Variants in SLC14A2 observed in about 807,000 individuals in gnomAD.
SLC14A2 encodes solute carrier family 14 member 2.
Under a neutral mutation model 104.6 loss-of-function variants are expected in SLC14A2, and 91 were observed. That is an observed-to-expected ratio of 0.87 (90% CI 0.73 to 1.04). SLC14A2 has a LOEUF of 1.04. SLC14A2 is among the 50% of genes least tolerant of loss of function. The probability of loss-of-function intolerance (pLI) is 0.00; values close to 1 mark genes in which losing one functional copy is unlikely to be tolerated. For missense variants in SLC14A2, 1,189 were observed against 1,156.0 expected (o/e 1.03, Z -0.41); for synonymous variants, 476 against 466.4 (o/e 1.02, Z -0.27).
At chr18:45,540,106 G>T (rs553460922) in intron 2 of SLC14A2, among the ~76,000 whole-genome samples, 1 of 151,730 alleles carries the variant, frequency 6.6e-6, no homozygotes, top group Non-Finnish European at 1.5e-5. Flanking sequence ...TGGGCACTTT[G>T]TGCCTGATGA....
intron 3 of SLC14A2, 124 bp from the exon 4 acceptor site, chr18:45,626,834 C>G: frequency 4.4e-6 from 2 of 449,838 alleles, no homozygotes; most frequent in Non-Finnish European, 7.9e-6. Context: ...CGACCCCTGG[C>G]CTGGCTGAAT....
the SLC14A2 span, among the ~76,000 whole-genome samples, chr18:45,194,068 T>C: frequency 9.2e-3 from 1,399 of 152,346 alleles, 31 homozygotes; most frequent in African/African-American, 0.032. Context: ...TTCTGCAAGC[T>C]TGATCAACTC....
At chr18:45,267,285 C>T (rs973715605) in intron 1 of SLC14A2, among the ~76,000 whole-genome samples, 2 of 152,124 alleles carry the variant, frequency 1.3e-5, no homozygotes, top group Non-Finnish European at 2.9e-5. Context: ...CCTGACTTTG[C>T]TCCCCAAGTT....
chr18:45,514,294 G>A (rs8094026), intron 2 of SLC14A2, among the ~76,000 whole-genome samples: 8,279 of 152,174 alleles, frequency 0.054, 291 homozygotes, highest in African/African-American at 0.094. Context: ...CATGACTGAC[G>A]GGAGAGAGAT....
intron 2 of SLC14A2, among the ~76,000 whole-genome samples, chr18:45,489,496 G>A (rs570543737): frequency 9.9e-5 from 15 of 152,268 alleles, no homozygotes; most frequent in Middle Eastern, 3.4e-3. Flanking sequence ...GGTCAACAGA[G>A]CAAGACTCTG....
intron 1 of SLC14A2, among the ~76,000 whole-genome samples, chr18:45,356,200 A>G (rs941855477): frequency 5.9e-5 from 9 of 152,210 alleles, no homozygotes; most frequent in African/African-American, 2.2e-4. Flanking sequence ...CTCCTTGAGC[A>G]TGTTCAATAC....
intron 1 of SLC14A2, among the ~76,000 whole-genome samples, chr18:45,264,052 C>G (rs1288970574): frequency 6.6e-6 from 1 of 152,148 alleles, no homozygotes; most frequent in African/African-American, 2.4e-5. Flanking sequence ...ACTATCTTTT[C>G]TATCTATCCA....
At chr18:45,455,642 T>TAATAATAAC (rs1397733845) in intron 1 of SLC14A2, among the ~76,000 whole-genome samples, 2 of 144,068 alleles carry the variant, frequency 1.4e-5, no homozygotes, top group African/African-American at 2.5e-5. Context: ...TAAAGCATAA[T>TAATAATAAC]AATAATAATA....
chr18:45,605,428 T>C (rs897797311), intron 2 of SLC14A2, among the ~76,000 whole-genome samples: 19 of 152,244 alleles, frequency 1.2e-4, no homozygotes, highest in African/African-American at 4.1e-4. Context: ...AATCAGACTT[T>C]ATGTTCTGCC....
At chr18:45,209,111 C>T (rs1479607455), upstream of SLC14A2, among the ~76,000 whole-genome samples, 6 of 143,762 alleles carry the variant, frequency 4.2e-5, no homozygotes, top group African/African-American at 7.8e-5. Flanking sequence ...CTGAGGCGGG[C>T]GGATCATGAG....
chr18:45,486,097 A>T, intron 2 of SLC14A2, among the ~76,000 whole-genome samples: 1 of 152,168 alleles, frequency 6.6e-6, no homozygotes, highest in Admixed American at 6.5e-5. Flanking sequence ...TACCATCTAG[A>T]TAAGTGTGGA....
At chr18:45,210,800 T>C (rs16978301), upstream of SLC14A2, among the ~76,000 whole-genome samples, 2,298 of 152,288 alleles carry the variant, frequency 0.015, 68 homozygotes, top group African/African-American at 0.051. Context: ...GGTACCAATG[T>C]ATAGGGTTGT....
chr18:45,617,787 A>G (rs1020362850), intron 1 of SLC14A2, among the ~76,000 whole-genome samples: 3 of 152,046 alleles, frequency 2.0e-5, no homozygotes, highest in Admixed American at 2.0e-4. Context: ...CAACTCAGGG[A>G]TGAGTGAAGC....
exon 1 of SLC14A2, chr18:45,213,046 G>A (rs2083975007): frequency 6.6e-6 from 1 of 152,422 alleles, no homozygotes; most frequent in African/African-American, 2.4e-5. Flanking sequence ...GAGCTCCTCT[G>A]TATTTCTTGG....
At chr18:45,604,180 G>A (rs2044831068) in intron 2 of SLC14A2, among the ~76,000 whole-genome samples, 1 of 152,050 alleles carries the variant, frequency 6.6e-6, no homozygotes, top group African/African-American at 2.4e-5. Context: ...GAGTTTTGAT[G>A]GCTGGGGTAA....
intron 1 of SLC14A2, among the ~76,000 whole-genome samples, chr18:45,251,467 A>G (rs927446425): frequency 6.6e-6 from 1 of 152,210 alleles, no homozygotes; most frequent in South Asian, 2.1e-4. Flanking sequence ...ATCATGATTC[A>G]CAACCTCGGT....
intron 10 of SLC14A2, among the ~76,000 whole-genome samples, chr18:45,652,824 C>A (rs1190642640): frequency 6.6e-6 from 1 of 152,104 alleles, no homozygotes; most frequent in African/African-American, 2.4e-5. Flanking sequence ...ATTGCCCCAC[C>A]CTGAGTCTAG....
intron 1 of SLC14A2, among the ~76,000 whole-genome samples, chr18:45,387,066 C>T (rs539764334): frequency 1.3e-5 from 2 of 152,286 alleles, no homozygotes; most frequent in Non-Finnish European, 2.9e-5. Flanking sequence ...CTAAACTGGG[C>T]TCAGCCCAGT....
chr18:45,376,179 T>C (rs1490372929), intron 1 of SLC14A2, among the ~76,000 whole-genome samples: 1 of 152,146 alleles, frequency 6.6e-6, no homozygotes, highest in Admixed American at 6.5e-5. Flanking sequence ...AAAATTCAAT[T>C]AATAGCATCT....
Sources: allele counts gnomAD v4.1 joint callset (sites outside exome capture counted in the v4.1 genomes callset), GRCh38; gene constraint gnomAD v4.1.1; transcripts MANE v1.5; gene names NCBI Gene and HGNC (gene_info 2026-07-23, HGNC 2026-07-21).